POC1B: variants seen among roughly 807,000 people sequenced by gnomAD.
The protein encoded by POC1B is POC1 centriolar protein homolog B.
POC1B carries 44 observed loss-of-function variants against 60.6 expected under a neutral mutation model. The observed-to-expected ratio is 0.73, with a 90% CI of 0.57 to 0.93. The LOEUF is 0.93. Among genes scored for constraint, POC1B ranks in the 40% least tolerant of loss-of-function variants. The pLI is 0.00. For missense variants in POC1B, 555 were observed against 572.3 expected (o/e 0.97, Z 0.31); for synonymous variants, 180 against 198.9 (o/e 0.90, Z 0.80).
At chr12:89,404,860 T>C in the POC1B span, among the ~76,000 whole-genome samples, 1 of 152,180 alleles carries the variant, frequency 6.6e-6, no homozygotes, top group African/African-American at 2.4e-5. Context: ...CAGGTAAAGA[T>C]CTCCAAACTT....
At chr12:89,496,346 G>A (rs763117916) in intron 3 of POC1B, among the ~76,000 whole-genome samples, 2 of 152,170 alleles carry the variant, frequency 1.3e-5, no homozygotes, top group Non-Finnish European at 2.9e-5. Flanking sequence ...TGGCCCAGGG[G>A]TTGGGAATCT....
At chr12:89,477,050 T>G (rs1883151551) in intron 4 of POC1B, among the ~76,000 whole-genome samples, 1 of 152,154 alleles carries the variant, frequency 6.6e-6, no homozygotes, top group African/African-American at 2.4e-5. Flanking sequence ...TGTCCAGCTA[T>G]GTAATCTTGT....
chr12:89,451,674 T>C (rs1882047126), intron 10 of POC1B, among the ~76,000 whole-genome samples: 1 of 152,198 alleles, frequency 6.6e-6, no homozygotes, highest in African/African-American at 2.4e-5. Flanking sequence ...GCCCTAATAA[T>C]ATGTTTTACA....
At chr12:89,469,925 T>C (rs1486115778) in intron 7 of POC1B, among the ~76,000 whole-genome samples, 1 of 151,968 alleles carries the variant, frequency 6.6e-6, no homozygotes, top group East Asian at 1.9e-4. Flanking sequence ...TGGAGTGCAG[T>C]GGTGCAATCT....
At chr12:89,509,101 T>C (rs980674541) in intron 2 of POC1B, among the ~76,000 whole-genome samples, 2 of 152,308 alleles carry the variant, frequency 1.3e-5, no homozygotes, top group Non-Finnish European at 2.9e-5. Flanking sequence ...TACTACTTAA[T>C]TGATGTTTAA....
chr12:89,481,070 G>C (rs1365616958), intron 4 of POC1B, among the ~76,000 whole-genome samples: 1 of 134,678 alleles, frequency 7.4e-6, no homozygotes, highest in Non-Finnish European at 1.6e-5. Flanking sequence ...TAATTGTTAG[G>C]GCCATGTTGG....
In POC1B at chr12:89,475,257, A is replaced by G. The variant is rs142770329; in HGVS notation, c.453-2982T>C. On this transcript the variant is annotated intron_variant, in intron 4 of 11. Coordinates refer to ENST00000313546, the MANE Select transcript of POC1B (RefSeq NM_172240.3). ...AAGTGCCTCCTGAGCAGGAGGGCCC[A>G]TAGCTGGGAGAAATTTCCCAGAGCA... Among the ~76,000 whole-genome samples, 125 of 152,346 alleles carry G rather than the reference A, an allele frequency of 8.2e-4. No individual in the cohort carries two copies. The Middle Eastern group carries it at 0.031, about 37-fold the overall frequency.
At chr12:89,487,676 A>G (rs1868712728) in intron 4 of POC1B, among the ~76,000 whole-genome samples, 1 of 152,122 alleles carries the variant, frequency 6.6e-6, no homozygotes, top group African/African-American at 2.4e-5. Context: ...CTGAATAATT[A>G]ATGTTCCTGG....
intron 10 of POC1B, among the ~76,000 whole-genome samples, chr12:89,455,870 AC>A (rs994271606): frequency 1.3e-5 from 2 of 152,226 alleles, no homozygotes; most frequent in Non-Finnish European, 2.9e-5. Flanking sequence ...AAGATTACCA[AC>A]TTCATTTTGT....
chr12:89,517,645 G>GA (rs1210127157), intron 2 of POC1B, among the ~76,000 whole-genome samples: 3 of 150,872 alleles, frequency 2.0e-5, no homozygotes, highest in Non-Finnish European at 4.4e-5. Flanking sequence ...AAAAAAAAAA[G>GA]AAAAAAGCAT....
chr12:89,518,974 G>T (rs1422768563), intron 2 of POC1B, among the ~76,000 whole-genome samples: 1 of 152,174 alleles, frequency 6.6e-6, no homozygotes, highest in Non-Finnish European at 1.5e-5. Context: ...AGAGACAGGG[G>T]TATAGGGATT....
chr12:89,494,797 G>A (rs914890339), intron 3 of POC1B, among the ~76,000 whole-genome samples: 1 of 152,156 alleles, frequency 6.6e-6, no homozygotes, highest in Non-Finnish European at 1.5e-5. Context: ...GAACCAAGAC[G>A]CCATTGCCAC....
At chr12:89,411,819 C>T in the POC1B span, among the ~76,000 whole-genome samples, 1 of 152,112 alleles carries the variant, frequency 6.6e-6, no homozygotes, top group Non-Finnish European at 1.5e-5. Flanking sequence ...GTGATTTTTG[C>T]CTTTGACACA....
chr12:89,516,416 A>T (rs1870442718), intron 2 of POC1B, among the ~76,000 whole-genome samples: 1 of 152,214 alleles, frequency 6.6e-6, no homozygotes, highest in South Asian at 2.1e-4. Flanking sequence ...TGCCCAGACC[A>T]TCACACTAAT....
chr12:89,403,870 C>A, the POC1B span, among the ~76,000 whole-genome samples: 1 of 152,172 alleles, frequency 6.6e-6, no homozygotes, highest in African/African-American at 2.4e-5. Context: ...CAGTGGCCCA[C>A]ACCTCTAATC....
chr12:89,517,089 T>C, intron 2 of POC1B, among the ~76,000 whole-genome samples: 1 of 152,214 alleles, frequency 6.6e-6, no homozygotes, highest in Non-Finnish European at 1.5e-5. Context: ...TTCAAGGCCC[T>C]GCCTAAGCTA....
At chr12:89,516,680 A>G (rs56369286) in intron 2 of POC1B, among the ~76,000 whole-genome samples, 9,893 of 152,252 alleles carry the variant, frequency 0.065, 425 homozygotes, top group Non-Finnish European at 0.098. Flanking sequence ...GCATAAAACA[A>G]CAGAAATTTA....
chr12:89,522,118 T>C (rs1008178664), intron 2 of POC1B: 4 of 398,874 alleles, frequency 1.0e-5, no homozygotes, highest in African/African-American at 4.1e-5. Context: ...GGTATTAATA[T>C]ATACATCAGT....
chr12:89,435,598 C>G (rs777912786), intron 10 of POC1B, among the ~76,000 whole-genome samples: 5 of 152,148 alleles, frequency 3.3e-5, no homozygotes, highest in Non-Finnish European at 5.9e-5. Context: ...CATATATTTT[C>G]ACGTGTAAAA....
Sources: gnomAD v4.1 joint callset for allele counts (sites outside exome capture counted in the v4.1 genomes callset) on GRCh38, gnomAD v4.1.1 for gene constraint, MANE v1.5 for transcripts, NCBI Gene and HGNC (gene_info 2026-07-23, HGNC 2026-07-21) for gene names.